PDE4B: variants seen among roughly 807,000 people sequenced by gnomAD.
PDE4B encodes phosphodiesterase 4B, also known as 3',5'-cyclic-AMP phosphodiesterase 4B.
Under a neutral mutation model 82.2 loss-of-function variants are expected in PDE4B, and 20 were observed. That is an observed-to-expected ratio of 0.24 (90% CI 0.17 to 0.35). The LOEUF is 0.35. Ranked by LOEUF, PDE4B falls within the 10% of genes least tolerant of loss-of-function variation. PDE4B has a pLI of 1.00. For synonymous variants in PDE4B, 320 were observed against 318.9 expected (o/e 1.00, Z -0.04); for missense variants, 655 against 907.2 (o/e 0.72, Z 3.57).
At position 66,351,546 on chromosome 1, in the gene PDE4B, A is replaced by G. The variant is rs115674773; in HGVS notation, c.748-3981A>G. 6.4e-3 allele frequency among the ~76,000 whole-genome samples: 977 copies of G among 152,286 alleles called. 15 individuals are homozygous for G. Among genetic ancestry groups the G allele is most frequent in the African/African-American group, 0.022 (928 of 41,566 alleles). On this transcript the variant is annotated intron_variant, in intron 8 of 16. Transcript: ENST00000341517. ...TTTGTTATGGTCTGAAGCATTTTCAATTTGAGTTGTTTTCCTCAGTCATGT... is the reference window on the plus strand; with the variant it reads ...TTTGTTATGGTCTGAAGCATTTTCAGTTTGAGTTGTTTTCCTCAGTCATGT...
intron 7 of PDE4B, among the ~76,000 whole-genome samples, chr1:66,324,286 A>G (rs1403335086): frequency 6.6e-6 from 1 of 152,066 alleles, no homozygotes; most frequent in African/African-American, 2.4e-5. Context: ...AATATAATTA[A>G]AATGTCTCCT....
At chr1:65,932,420 C>T (rs1030708555) in intron 3 of PDE4B, among the ~76,000 whole-genome samples, 8 of 151,924 alleles carry the variant, frequency 5.3e-5, no homozygotes, top group African/African-American at 2.4e-5. Context: ...ACAAAGAAAA[C>T]AGATTGGCAG....
intron 3 of PDE4B, among the ~76,000 whole-genome samples, chr1:65,960,318 C>T (rs1242367459): frequency 6.6e-6 from 1 of 151,946 alleles, no homozygotes; most frequent in Non-Finnish European, 1.5e-5. Context: ...TGATAGGTCA[C>T]CATCTCCATT....
Position 66,331,070 on chromosome 1 carries a change from T to C in PDE4B, c.635-1438T>C, listed in dbSNP as rs572041457. On this transcript the variant is annotated intron_variant, in intron 7 of 16. Coordinates refer to ENST00000341517, the MANE Select transcript of PDE4B (RefSeq NM_002600.4). ...TTTGAAATATGCGTCTGTGGCCAAG[T>C]GATTCCAGTTACTTGGAATCACAGT... Among the ~76,000 whole-genome samples, 44 of 152,360 alleles carry C rather than the reference T, an allele frequency of 2.9e-4. No homozygotes were observed. The South Asian group carries it at 8.9e-3, about 31-fold the overall frequency.
chr1:65,797,162 G>T (rs1428474301), intron 1 of PDE4B, among the ~76,000 whole-genome samples: 1 of 151,700 alleles, frequency 6.6e-6, no homozygotes, highest in African/African-American at 2.4e-5. Flanking sequence ...CACCATGTTA[G>T]CCAGGATGGT....
intron 3 of PDE4B, among the ~76,000 whole-genome samples, chr1:66,136,693 C>G (rs1366816616): frequency 3.7e-5 from 4 of 107,370 alleles, no homozygotes; most frequent in Admixed American, 1.0e-4. Context: ...GCAAGACTCC[C>G]TCTCAAAAAA....
chr1:65,927,371 A>G (rs911004021), intron 3 of PDE4B, among the ~76,000 whole-genome samples: 2 of 149,910 alleles, frequency 1.3e-5, no homozygotes, highest in Admixed American at 1.3e-4. Flanking sequence ...GTTTTAAGAT[A>G]TATATACTAC....
Position 65,891,069 on chromosome 1 carries a change from G to T in PDE4B, c.-70-22176G>T, listed in dbSNP as rs537146846. On this transcript the variant is annotated intron_variant, in intron 1 of 16. Coordinates refer to ENST00000341517, the MANE Select transcript of PDE4B (RefSeq NM_002600.4). ...AGATGAAAATGGGAAAATTGAAGGA[G>T]AAAAAGTAATTAGAACAATGTCCAG... Among the ~76,000 whole-genome samples the T allele has an allele frequency of 2.0e-5, 3 of 152,178 alleles. No homozygotes were observed. The South Asian group carries it at 6.2e-4, about 32-fold the overall frequency.
chr1:66,254,080 A>G (rs1010709103), intron 4 of PDE4B, among the ~76,000 whole-genome samples: 29 of 152,238 alleles, frequency 1.9e-4, no homozygotes, highest in Non-Finnish European at 3.7e-4. Flanking sequence ...AGCTTTTATT[A>G]GATACTAGAC....
In PDE4B at chr1:66,241,812, C is replaced by T. The variant is rs1287852590; in HGVS notation, c.282-5648C>T. Among the ~76,000 whole-genome samples, 3 of 152,170 alleles carry T rather than the reference C, an allele frequency of 2.0e-5. No homozygotes were observed. In the East Asian group the frequency reaches 5.8e-4, roughly 29 times the overall value. On this transcript the variant is annotated intron_variant, in intron 3 of 16. Transcript: ENST00000341517. ...CTCCTAGGACGGAGTTCCTGGGATA[C>T]TGAAGGGAGAATGCGGAAAGAAGAA...
chr1:65,966,306 A>G (rs908532722), intron 3 of PDE4B, among the ~76,000 whole-genome samples: 3 of 152,204 alleles, frequency 2.0e-5, no homozygotes, highest in Non-Finnish European at 4.4e-5. Context: ...CAATTGCTAC[A>G]AAGAGAATAA....
intron 3 of PDE4B, among the ~76,000 whole-genome samples, chr1:66,156,862 G>A (rs1646511605): frequency 6.6e-6 from 1 of 152,074 alleles, no homozygotes; most frequent in South Asian, 2.1e-4. Context: ...ACCTCACTGG[G>A]TTTTGCTCCT....
intron 3 of PDE4B, among the ~76,000 whole-genome samples, chr1:66,157,426 C>T (rs1053876694): frequency 6.6e-6 from 1 of 152,154 alleles, no homozygotes; most frequent in Non-Finnish European, 1.5e-5. Context: ...GATGAAAACC[C>T]AGTTTTTTCT....
rs117041021 is a variant in PDE4B, at chr1:66,019,642, C to T, written c.281+100807C>T. On this transcript the variant is annotated intron_variant, in intron 3 of 16. Coordinates refer to ENST00000341517, the MANE Select transcript of PDE4B (RefSeq NM_002600.4). ...TGCTGGGATTACAGGCATGAGCCAC[C>T]GTGCCCAGACTAGAAAATTATTTTT... Among the ~76,000 whole-genome samples the T allele has an allele frequency of 3.5e-4, 54 of 152,180 alleles. 1 individual carries two copies. The East Asian group carries it at 9.6e-3, about 27-fold the overall frequency.
intron 1 of PDE4B, among the ~76,000 whole-genome samples, chr1:65,795,643 A>G (rs996226003): frequency 2.0e-5 from 3 of 152,220 alleles, no homozygotes; most frequent in Non-Finnish European, 4.4e-5. Flanking sequence ...CTCACATCCA[A>G]TGGCTGATCC....
chr1:65,875,461 A>C (rs36153016), intron 1 of PDE4B, among the ~76,000 whole-genome samples: 25,017 of 143,994 alleles, frequency 0.17, 2,683 homozygotes, highest in East Asian at 0.39. Flanking sequence ...GTATATACCC[A>C]AATGACTATA....
At position 65,850,904 on chromosome 1, in the gene PDE4B, TTA is replaced by T. The variant is rs546177956; in HGVS notation, c.-71+57658_-71+57659del. ...GGTAACAAATATTTTCTTTCATGTT[TTA>T]TTCTGTAAGTTTTAGTGTATTAGCT... On this transcript the variant is annotated intron_variant, in intron 1 of 16. Coordinates refer to ENST00000341517, the MANE Select transcript of PDE4B (RefSeq NM_002600.4). Among the ~76,000 whole-genome samples, 474 of 152,320 alleles carry T rather than the reference TTA, an allele frequency of 3.1e-3. 4 individuals carry two copies. The highest frequency in any genetic ancestry group is 0.011 in the African/African-American group (447 of 41,582).
At chr1:66,245,512 C>T (rs541443354) in intron 3 of PDE4B, among the ~76,000 whole-genome samples, 44 of 152,290 alleles carry the variant, frequency 2.9e-4, no homozygotes, top group Middle Eastern at 3.4e-3. Context: ...TGCTCAACTA[C>T]GATAGATCTC....
At chr1:66,257,097 T>G (rs1654294287) in intron 4 of PDE4B, among the ~76,000 whole-genome samples, 1 of 152,214 alleles carries the variant, frequency 6.6e-6, no homozygotes, top group Non-Finnish European at 1.5e-5. Flanking sequence ...CATACACTCC[T>G]ATTAAAAGCT....
Sources: allele counts gnomAD v4.1 joint callset (sites outside exome capture counted in the v4.1 genomes callset), GRCh38; gene constraint gnomAD v4.1.1; transcripts MANE v1.5; gene names NCBI Gene and HGNC (gene_info 2026-07-23, HGNC 2026-07-21).